CASQ2: variants seen among roughly 807,000 people sequenced by gnomAD.
The protein encoded by CASQ2 is calsequestrin 2, also known as calsequestrin-2.
In CASQ2, 49 loss-of-function variants were observed where a neutral mutation model predicts 46.5. The ratio of observed to expected loss-of-function variants is 1.05; its 90% CI spans 0.84 to 1.34. The LOEUF is 1.34. Ranked by LOEUF, CASQ2 falls within the 40% of genes most tolerant of loss-of-function variation. CASQ2 has a pLI of 0.00. For synonymous variants in CASQ2, 174 were observed against 168.5 expected (o/e 1.03, Z -0.25); for missense variants, 486 against 481.3 (o/e 1.01, Z -0.09).
intron 1 of CASQ2, among the ~76,000 whole-genome samples, chr1:115,761,599 A>G (rs1026353937): frequency 4.6e-5 from 7 of 150,868 alleles, no homozygotes; most frequent in Middle Eastern, 3.4e-3. Context: ...AAGAGGCTAC[A>G]GTCACTCTCC....
chr1:115,706,175 CGTGT>C (rs1169210148), intron 8 of CASQ2, among the ~76,000 whole-genome samples: 17 of 151,322 alleles, frequency 1.1e-4, no homozygotes, highest in South Asian at 4.2e-4. Flanking sequence ...TGTGTGCGTG[CGTGT>C]GTGTATGTGT....
chr1:115,746,113 T>C (rs12410461), intron 1 of CASQ2, among the ~76,000 whole-genome samples: 30,646 of 152,046 alleles, frequency 0.2, 4,476 homozygotes, highest in African/African-American at 0.41. Context: ...TTTCACTCAG[T>C]GTAATTATGT....
intron 8 of CASQ2, among the ~76,000 whole-genome samples, chr1:115,709,568 T>C (rs757555914): frequency 2.6e-5 from 4 of 152,204 alleles, no homozygotes; most frequent in Non-Finnish European, 5.9e-5. Context: ...AGGACTATTC[T>C]CTGCAGTTAT....
chr1:115,741,789 G>A (rs1570835863), intron 2 of CASQ2, among the ~76,000 whole-genome samples: 2 of 152,296 alleles, frequency 1.3e-5, no homozygotes, highest in African/African-American at 2.4e-5. Context: ...TTCCTCCTTA[G>A]GAATGTTAAA....
chr1:115,741,773 T>C (rs1648192388), intron 2 of CASQ2, among the ~76,000 whole-genome samples: 1 of 152,182 alleles, frequency 6.6e-6, no homozygotes, highest in South Asian at 2.1e-4. Context: ...GTTGGAAAAA[T>C]GCATTTTCCT....
At chr1:115,747,042 T>A (rs553085678) in intron 1 of CASQ2, among the ~76,000 whole-genome samples, 101 of 152,320 alleles carry the variant, frequency 6.6e-4, no homozygotes, top group African/African-American at 2.4e-3. Flanking sequence ...ACTTTTGATA[T>A]TAAGTCCAAG....
At chr1:115,710,951 G>A (rs1212182243) in intron 8 of CASQ2, among the ~76,000 whole-genome samples, 1 of 152,160 alleles carries the variant, frequency 6.6e-6, no homozygotes, top group African/African-American at 2.4e-5. Flanking sequence ...GTGGGAATGA[G>A]CCTTCACCAA....
chr1:115,729,035 C>CTTTT (rs753965730), intron 5 of CASQ2, among the ~76,000 whole-genome samples: 1,067 of 68,836 alleles, frequency 0.016, 3 homozygotes, highest in Non-Finnish European at 0.019. Context: ...CTCTTTCATT[C>CTTTT]TTTTTTTTTT....
chr1:115,768,371 A>G lies in CASQ2; in HGVS notation c.171T>C (p.His57=), dbSNP rs752392070. Residue 57 remains histidine (H), a synonymous_variant, in exon 1 of 11, where the codon CAT becomes CAC. Coordinates refer to ENST00000261448, the MANE Select transcript of CASQ2 (RefSeq NM_001232.4). Reference sequence around the variant, plus strand: ...TGACCTTATCTGAAGACACCGGCTCATGGTAGTAGAGGCAAAGCAAGTCAT... The same window carrying G: ...TGACCTTATCTGAAGACACCGGCTCGTGGTAGTAGAGGCAAAGCAAGTCAT... ...KKYDLLCLYY[H]EPVSSDKVTQ... The G allele has an allele frequency of 3.7e-6, 6 of 1,614,000 alleles. No individual in the cohort carries two copies. In the South Asian group the frequency reaches 6.6e-5, roughly 18 times the overall value.
At chr1:115,735,614 C>G (rs143640997) in intron 4 of CASQ2, among the ~76,000 whole-genome samples, 384 of 152,202 alleles carry the variant, frequency 2.5e-3, no homozygotes, top group African/African-American at 8.6e-3. Context: ...TTATTAAGAT[C>G]AGTAGAGCAA....
chr1:115,735,049 A>G (rs919091160), intron 4 of CASQ2, among the ~76,000 whole-genome samples: 1 of 152,230 alleles, frequency 6.6e-6, no homozygotes, highest in African/African-American at 2.4e-5. Context: ...TTGAATGTCC[A>G]AGTTCATGTA....
intron 8 of CASQ2, among the ~76,000 whole-genome samples, chr1:115,712,517 A>G (rs1333541055): frequency 6.6e-6 from 1 of 152,174 alleles, no homozygotes; most frequent in Non-Finnish European, 1.5e-5. Context: ...TCGTCCCTGT[A>G]CTTTATCATC....
intron 8 of CASQ2, among the ~76,000 whole-genome samples, chr1:115,710,025 G>A (rs1044174956): frequency 6.6e-6 from 1 of 152,054 alleles, no homozygotes; most frequent in South Asian, 2.1e-4. Context: ...ATTACTATTT[G>A]TAAAGATGAA....
At chr1:115,737,958 G>C (rs967261790) in intron 4 of CASQ2, among the ~76,000 whole-genome samples, 5 of 152,214 alleles carry the variant, frequency 3.3e-5, no homozygotes, top group African/African-American at 4.8e-5. Flanking sequence ...GAAAAGTGGA[G>C]AAGAGCTTTT....
rs2997741 is a variant in CASQ2 at position 115,717,911 on chromosome 1, A to C, written c.784-17T>G. On this transcript the variant is annotated splice_polypyrimidine_tract_variant and intron_variant, in intron 7 of 10. Transcript: ENST00000261448. Reference sequence around the variant, plus strand: ...ATCATCTTCCTGTATGAGAAAAGTAACAAAAGTTACACTTCCAGCTGGAGG... The same window carrying C: ...ATCATCTTCCTGTATGAGAAAAGTACCAAAAGTTACACTTCCAGCTGGAGG... 1.8e-4 allele frequency: 287 copies of C among 1,576,282 alleles called. 1 individual carries two copies. The African/African-American group carries it at 3.4e-3, about 19-fold the overall frequency.
intron 8 of CASQ2, among the ~76,000 whole-genome samples, chr1:115,710,890 G>T (rs541194064): frequency 1.3e-5 from 2 of 152,320 alleles, no homozygotes; most frequent in South Asian, 2.1e-4. Flanking sequence ...TCACATCTTT[G>T]TGGGAGGAGA....
At chr1:115,725,409 A>T in intron 7 of CASQ2, 99 bp downstream of exon 7, 1 of 1,380,778 alleles carries the variant, frequency 7.2e-7, no homozygotes, top group Non-Finnish European at 1.0e-6. Context: ...ACCTCAGCCA[A>T]ATAAACTTGG....
At chr1:115,746,216 T>C (rs1648385629) in intron 1 of CASQ2, among the ~76,000 whole-genome samples, 1 of 152,172 alleles carries the variant, frequency 6.6e-6, no homozygotes, top group South Asian at 2.1e-4. Context: ...ATAGTTTGTT[T>C]AATCATTCAC....
At chr1:115,738,478 C>T (rs1028708490) in intron 3 of CASQ2, 143 bp from the exon 4 acceptor site, 5 of 714,208 alleles carry the variant, frequency 7.0e-6, no homozygotes, top group Non-Finnish European at 1.3e-5. Flanking sequence ...CACAATCCCC[C>T]AGTGAGCATA....
Sources: gnomAD v4.1 joint callset for allele counts (sites outside exome capture counted in the v4.1 genomes callset) on GRCh38, gnomAD v4.1.1 for gene constraint, MANE v1.5 for transcripts, NCBI Gene and HGNC (gene_info 2026-07-23, HGNC 2026-07-21) for gene names.